ST6GALNAC3: variants seen among roughly 807,000 people sequenced by gnomAD.
ST6GALNAC3 encodes alpha-N-acetylgalactosaminide alpha-2,6-sialyltransferase 3.
In ST6GALNAC3, 25 loss-of-function variants were observed where a neutral mutation model predicts 32.7. The ratio of observed to expected loss-of-function variants is 0.76; its 90% CI spans 0.56 to 1.07. ST6GALNAC3 has a LOEUF of 1.07. Ranked by LOEUF, ST6GALNAC3 falls within the 50% of genes least tolerant of loss-of-function variation. The probability of loss-of-function intolerance (pLI) is 0.00; values close to 1 mark genes in which losing one functional copy is unlikely to be tolerated. For missense variants in ST6GALNAC3, 355 were observed against 382.4 expected (o/e 0.93, Z 0.60); for synonymous variants, 129 against 133.1 (o/e 0.97, Z 0.21).
intron 1 of ST6GALNAC3, among the ~76,000 whole-genome samples, chr1:76,196,142 T>C (rs77029983): frequency 0.011 from 1,693 of 152,308 alleles, 29 homozygotes; most frequent in East Asian, 0.046. Context: ...GTAGGTCCTA[T>C]ATAAGTGTTA....
At chr1:76,499,593 G>T (rs946802488) in intron 3 of ST6GALNAC3, among the ~76,000 whole-genome samples, 6 of 152,084 alleles carry the variant, frequency 3.9e-5, no homozygotes, top group Admixed American at 3.9e-4. Flanking sequence ...CTTTAGTGGA[G>T]GGGAGGGGTC....
intron 2 of ST6GALNAC3, among the ~76,000 whole-genome samples, chr1:76,394,166 T>C (rs1398774978): frequency 1.3e-5 from 2 of 152,134 alleles, no homozygotes; most frequent in Non-Finnish European, 2.9e-5. Context: ...ATTCCAGAAG[T>C]AGAGAAATCT....
At chr1:76,202,888 C>T (rs533519175) in intron 1 of ST6GALNAC3, among the ~76,000 whole-genome samples, 8 of 152,190 alleles carry the variant, frequency 5.3e-5, no homozygotes, top group African/African-American at 7.2e-5. Context: ...TTAATTGTGA[C>T]GAAATCAACT....
intron 2 of ST6GALNAC3, among the ~76,000 whole-genome samples, chr1:76,329,775 A>AT (rs1250060644): frequency 6.6e-6 from 1 of 151,456 alleles, no homozygotes; most frequent in Non-Finnish European, 1.5e-5. Flanking sequence ...TATATTCTCC[A>AT]TTTTTATTCT....
chr1:76,538,948 A>C (rs1280671036), intron 3 of ST6GALNAC3, among the ~76,000 whole-genome samples: 1 of 152,212 alleles, frequency 6.6e-6, no homozygotes, highest in Non-Finnish European at 1.5e-5. Context: ...TGCCCAAAGT[A>C]ATTTATAGAT....
At chr1:76,505,955 GA>G (rs35260316) in intron 3 of ST6GALNAC3, among the ~76,000 whole-genome samples, 4,279 of 150,616 alleles carry the variant, frequency 0.028, 113 homozygotes, top group African/African-American at 0.069. Context: ...TAACTGCAGA[GA>G]AAAAAAAAGA....
chr1:76,525,803 A>ATATACATATATATATATATATACG, intron 3 of ST6GALNAC3, among the ~76,000 whole-genome samples: 1 of 71,050 alleles, frequency 1.4e-5, no homozygotes, highest in Non-Finnish European at 2.7e-5. Context: ...ATATATATAT[A>ATATACATATATATATATATATACG]TATATATATA....
At chr1:76,518,581 A>C (rs576552024) in intron 3 of ST6GALNAC3, among the ~76,000 whole-genome samples, 1 of 152,064 alleles carries the variant, frequency 6.6e-6, no homozygotes, top group African/African-American at 2.4e-5. Context: ...TACAATTTCC[A>C]ATTCTATGTT....
rs1649434259 is a variant in ST6GALNAC3, at chr1:76,634,229, C to CAAG, written c.*5424_*5426dup. 1 of 905,144 alleles carries CAAG rather than the reference C, an allele frequency of 1.1e-6. No individual in the cohort carries two copies. The highest frequency in any genetic ancestry group is 5.1e-5 in the South Asian group (1 of 19,700). The allele number at this position is 905,144 out of a possible 1,614,324, so 56.1% of individuals were successfully genotyped here. On this transcript the variant is annotated 3_prime_UTR_variant, in exon 5 of 5. Transcript: ENST00000328299. ...TCTTGATGAATAAACAGTCAACTAC[C>CAAG]AAGTTCACATATTTGCCTATGAAGT...
intron 2 of ST6GALNAC3, among the ~76,000 whole-genome samples, chr1:76,348,579 C>A (rs1225323067): frequency 6.6e-6 from 1 of 150,490 alleles, no homozygotes; most frequent in Non-Finnish European, 1.5e-5. Flanking sequence ...GATAGATTTT[C>A]CAACTTTTTT....
At chr1:76,188,723 AACC>A (rs1653723849) in intron 1 of ST6GALNAC3, among the ~76,000 whole-genome samples, 1 of 152,378 alleles carries the variant, frequency 6.6e-6, no homozygotes, top group East Asian at 1.9e-4. Context: ...TTATTAAGAA[AACC>A]ATAAAGAAAA....
intron 1 of ST6GALNAC3, among the ~76,000 whole-genome samples, chr1:76,086,382 A>G (rs994969393): frequency 6.6e-6 from 1 of 152,206 alleles, no homozygotes; most frequent in African/African-American, 2.4e-5. Context: ...TTGATGATTC[A>G]TAGCCTTGTT....
chr1:76,312,243 T>C (rs9700636), intron 1 of ST6GALNAC3, among the ~76,000 whole-genome samples: 13,725 of 152,216 alleles, frequency 0.09, 831 homozygotes, highest in Non-Finnish European at 0.13. Flanking sequence ...AAACTGAAAC[T>C]GGACCCCTTC....
chr1:76,270,884 G>A (rs1557741702), intron 1 of ST6GALNAC3, among the ~76,000 whole-genome samples: 1 of 152,170 alleles, frequency 6.6e-6, no homozygotes, highest in Non-Finnish European at 1.5e-5. Flanking sequence ...ACCTTTTCTA[G>A]TCTTTGAAAG....
chr1:76,113,516 TTTTG>T (rs1381942586), intron 1 of ST6GALNAC3, among the ~76,000 whole-genome samples: 5 of 152,120 alleles, frequency 3.3e-5, no homozygotes, highest in Non-Finnish European at 7.4e-5. Flanking sequence ...TTTTGGTTTA[TTTTG>T]TTTTTCTGTT....
chr1:76,133,782 C>G (rs564881950), intron 1 of ST6GALNAC3, among the ~76,000 whole-genome samples: 52 of 152,162 alleles, frequency 3.4e-4, no homozygotes, highest in Non-Finnish European at 7.2e-4. Flanking sequence ...GGAGGAGGAT[C>G]CCACAGACTT....
intron 2 of ST6GALNAC3, among the ~76,000 whole-genome samples, chr1:76,321,272 GA>G (rs1232936659): frequency 1.3e-5 from 2 of 152,056 alleles, no homozygotes; most frequent in Non-Finnish European, 2.9e-5. Context: ...TGATTCTCTG[GA>G]TGTCAGTAGC....
At chr1:76,459,410 A>G (rs147222063) in intron 3 of ST6GALNAC3, among the ~76,000 whole-genome samples, 2,939 of 152,198 alleles carry the variant, frequency 0.019, 89 homozygotes, top group African/African-American at 0.064. Flanking sequence ...TAAAAATACA[A>G]AAAATTAGCC....
intron 1 of ST6GALNAC3, among the ~76,000 whole-genome samples, chr1:76,171,817 C>CAAAAAAAAAAA (rs11316194): frequency 7.5e-6 from 1 of 133,048 alleles, no homozygotes; most frequent in Non-Finnish European, 1.6e-5. Flanking sequence ...AAAACAACAA[C>CAAAAAAAAAAA]AAAAAAAAAA....
Sources: gnomAD v4.1 joint callset for allele counts (sites outside exome capture counted in the v4.1 genomes callset) on GRCh38, gnomAD v4.1.1 for gene constraint, MANE v1.5 for transcripts, NCBI Gene and HGNC (gene_info 2026-07-23, HGNC 2026-07-21) for gene names.